The following SLC26A4 variants were observed in gnomAD, a reference collection of about 807,000 sequenced individuals.
SLC26A4 encodes pendrin.
SLC26A4 carries 93 observed loss-of-function variants against 90.4 expected under a neutral mutation model. That is an observed-to-expected ratio of 1.03 (90% CI 0.87 to 1.22). The LOEUF is 1.22. Ranked by LOEUF, SLC26A4 falls within the 50% of genes most tolerant of loss-of-function variation. The pLI, the probability that SLC26A4 is intolerant of heterozygous loss-of-function variation, is 0.00. For synonymous variants in SLC26A4, 393 were observed against 354.6 expected, an observed-to-expected ratio of 1.11 and a Z score of -1.22; for missense variants, 1,127 against 946.2, an observed-to-expected ratio of 1.19 and a Z score of -2.51.
At chr7:107,674,051 C>G (rs1790945143) in intron 4 of SLC26A4, 113 bp from the exon 5 acceptor site, 1 of 1,132,568 alleles carries the variant, frequency 8.8e-7, no homozygotes, top group Admixed American at 1.8e-5. Context: ...CGTGAACAAA[C>G]AATATTTTCC....
chr7:107,700,606 G>C (rs193233791), intron 15 of SLC26A4, among the ~76,000 whole-genome samples: 23 of 152,292 alleles, frequency 1.5e-4, no homozygotes, highest in African/African-American at 5.3e-4. Context: ...TGGAGGTAGG[G>C]TTGCCCAGTT....
In SLC26A4 at chr7:107,691,837, G is replaced by A. The variant is rs963838278; in HGVS notation, c.1263+1600G>A. ...AGGTAAAATAATACAGCTCATATCC[G>A]GAGGCATAGCCAGAGATCTGTGGTC... On this transcript the variant is annotated intron_variant, in intron 10 of 20. Transcript: ENST00000644269. The A allele has an allele frequency of 2.1e-5, 24 of 1,131,180 alleles. No homozygotes were observed. The Admixed American group carries it at 2.7e-4, about 13-fold the overall frequency. The allele number at this position is 1,131,180 out of a possible 1,614,324, so 70.1% of individuals were successfully genotyped here.
intron 15 of SLC26A4, among the ~76,000 whole-genome samples, chr7:107,700,692 A>T (rs545600512): frequency 5.9e-5 from 9 of 152,312 alleles, no homozygotes; most frequent in African/African-American, 2.2e-4. Context: ...TATGCTTTGA[A>T]CTTGGAGTTT....
Position 107,694,416 on chromosome 7 carries a change from T to A in SLC26A4, c.1277T>A (p.Ile426Asn), listed in dbSNP as rs375540945. The A allele has an allele frequency of 5.0e-6, 8 of 1,613,544 alleles. No individual in the cohort carries two copies. In the Admixed American group the frequency reaches 8.3e-5, roughly 17 times the overall value. Residue 426 changes from isoleucine (I) to asparagine (N), a missense_variant, in exon 11 of 21, where the codon ATC (isoleucine) becomes AAC (asparagine). Transcript: ENST00000644269. Reference sequence around the variant, plus strand: ...TGTGTCTTCCAGGTTGCTGGCATCATCTCTGCTGCGATTGTGATGATCGCC... The same window carrying A: ...TGTGTCTTCCAGGTTGCTGGCATCAACTCTGCTGCGATTGTGATGATCGCC... ...TGGKTQVAGIISAAIVMIAIL... is the reference protein window; with the variant it reads ...TGGKTQVAGINSAAIVMIAIL...
At chr7:107,675,303 A>AAAAAAG (rs1790993576) in intron 6 of SLC26A4, among the ~76,000 whole-genome samples, 194 bp downstream of exon 6, 1 of 143,904 alleles carries the variant, frequency 6.9e-6, no homozygotes, top group African/African-American at 2.7e-5. Context: ...AAAAAAAAAA[A>AAAAAAG]AAAGAAAGAA....
chr7:107,677,242 A>G (rs1296375229), intron 6 of SLC26A4, among the ~76,000 whole-genome samples: 8 of 152,138 alleles, frequency 5.3e-5, no homozygotes, highest in African/African-American at 1.9e-4. Context: ...ATGGACTTTG[A>G]ACTTCAACAG....
At chr7:107,701,218 C>A (rs749947982) in intron 16 of SLC26A4, 22 bp downstream of exon 16, 6 of 1,440,728 alleles carry the variant, frequency 4.2e-6, no homozygotes, top group Non-Finnish European at 5.9e-6. Flanking sequence ...TCTTTCTTTT[C>A]CCCCTTAAAT....
chr7:107,665,763 G>T (rs940929990), intron 3 of SLC26A4, among the ~76,000 whole-genome samples: 2 of 152,132 alleles, frequency 1.3e-5, no homozygotes, highest in African/African-American at 2.4e-5. Context: ...TGCTAGGTAG[G>T]TCTATTATTA....
At chr7:107,681,794 AT>A (rs1183826781) in intron 6 of SLC26A4, among the ~76,000 whole-genome samples, 1 of 151,768 alleles carries the variant, frequency 6.6e-6, no homozygotes, top group Non-Finnish European at 1.5e-5. Context: ...CTACTTAAAG[AT>A]TTTTTTTGGC....
chr7:107,692,564 C>T (rs1318524476), intron 10 of SLC26A4, among the ~76,000 whole-genome samples: 1 of 152,148 alleles, frequency 6.6e-6, no homozygotes, highest in African/African-American at 2.4e-5. Context: ...ACATAAGAAG[C>T]ACCTGGCATA....
In SLC26A4 at chr7:107,661,857, C is replaced by T; in HGVS notation, c.164+52C>T. ...GAGAAGCGGAGCGGGGCGTCCACGC[C>T]TTGGGGAGGGAAGGGCGTCCCCAGC... On this transcript the variant is annotated intron_variant, in intron 2 of 20. Transcript: ENST00000644269. The surrounding 1 kb of genome is among the most constrained non-coding windows in gnomAD (Gnocchi z 5.1). 6.6e-7 allele frequency: 1 copy of T among 1,511,310 alleles called. No individual in the cohort carries two copies. Among genetic ancestry groups the T allele is most frequent in the South Asian group, 1.2e-5 (1 of 82,430 alleles). 93.6% of individuals were successfully genotyped at this position (1,511,310 alleles called of 1,614,324 possible).
At chr7:107,693,034 A>G (rs1791620213) in intron 10 of SLC26A4, 1 of 152,422 alleles carries the variant, frequency 6.6e-6, no homozygotes, top group Non-Finnish European at 1.5e-5. Context: ...AGAGCTCCCC[A>G]TCCACAGTGA....
At chr7:107,706,846 A>G (rs1792047113) in intron 18 of SLC26A4, among the ~76,000 whole-genome samples, 1 of 152,218 alleles carries the variant, frequency 6.6e-6, no homozygotes, top group South Asian at 2.1e-4. Context: ...AGAGAGGAAA[A>G]GCAAATGTTT....
rs759690314 is a variant in SLC26A4 at position 107,663,344 on chromosome 7, C to G, written c.213C>G (p.Ile71Met). 1.1e-5 allele frequency: 17 copies of G among 1,614,036 alleles called. No individual in the cohort carries two copies. The South Asian group carries it at 1.9e-4, about 18-fold the overall frequency. The change falls in exon 3 of 21, where the codon ATC becomes ATG. Residue 71 changes from isoleucine to methionine, a missense_variant. Coordinates refer to ENST00000644269, the MANE Select transcript of SLC26A4 (RefSeq NM_000441.2). ...AFGVLKTLVP[I>M]LEWLPKYRVK... ...GTGTGCTAAAGACTCTTGTGCCCAT[C>G]TTGGAGTGGCTCCCCAAATACCGAG...
intron 8 of SLC26A4, 127 bp from the exon 9 acceptor site, chr7:107,688,926 T>G: frequency 2.1e-6 from 2 of 963,860 alleles, no homozygotes; most frequent in Non-Finnish European, 3.3e-6. Context: ...TTTCGTGTGC[T>G]TTTTGTTCTT....
At chr7:107,693,588 C>G in intron 10 of SLC26A4, 4 of 985,542 alleles carry the variant, frequency 4.1e-6, no homozygotes, top group Non-Finnish European at 4.8e-6. Context: ...CCCCAGCTGT[C>G]TCAACAGAGA....
rs1173180110 is a variant in SLC26A4, at chr7:107,691,512, TATAC to T, written c.1263+1277_1263+1280del. ...AGCTAGACTCTGTGTCAAATATATATATACACACACACACACACACACACACACA... is the reference window on the plus strand; with the variant it reads ...AGCTAGACTCTGTGTCAAATATATATACACACACACACACACACACACACA... On this transcript the variant is annotated intron_variant, in intron 10 of 20. Transcript: ENST00000644269. 2.8e-3 allele frequency among the ~76,000 whole-genome samples: 312 copies of T among 110,556 alleles called. 3 individuals are homozygous for T. The highest frequency in any genetic ancestry group is 0.012 in the African/African-American group (294 of 25,276). 72.5% of individuals were successfully genotyped at this position (110,556 alleles called of 152,430 possible).
intron 12 of SLC26A4, 35 bp from the exon 13 acceptor site, chr7:107,695,898 A>G: frequency 2.1e-6 from 2 of 950,956 alleles, no homozygotes; most frequent in Middle Eastern, 4.2e-4. Flanking sequence ...CTGATACATT[A>G]ATATAATTCT....
intron 10 of SLC26A4, 136 bp downstream of exon 10, chr7:107,690,373 A>G: frequency 1.4e-6 from 1 of 695,892 alleles, no homozygotes; most frequent in Non-Finnish European, 2.6e-6. Context: ...CCTCAGGCCT[A>G]TTCCTCTTGT....
Sources: allele counts gnomAD v4.1 joint callset (sites outside exome capture counted in the v4.1 genomes callset), GRCh38; gene constraint gnomAD v4.1.1; non-coding constraint Gnocchi (gnomAD v3.1); transcripts MANE v1.5; gene names NCBI Gene and HGNC (gene_info 2026-07-23, HGNC 2026-07-21).